PPP2R5E: variants seen among roughly 807,000 people sequenced by gnomAD.
PPP2R5E encodes the protein protein phosphatase 2 regulatory subunit B'epsilon.
A neutral mutation model predicts 65.3 loss-of-function variants in PPP2R5E; 4 were observed. The ratio of observed to expected loss-of-function variants is 0.06; its 90% CI spans 0.03 to 0.14. The LOEUF (loss-of-function observed/expected upper bound fraction) is 0.14. Ranked by LOEUF, PPP2R5E falls within the 10% of genes least tolerant of loss-of-function variation. The probability of loss-of-function intolerance (pLI) is 1.00; values close to 1 mark genes in which losing one functional copy is unlikely to be tolerated. For synonymous variants in PPP2R5E, 183 were observed against 187.4 expected (o/e 0.98, Z 0.19); for missense variants, 274 against 556.1 (o/e 0.49, Z 5.10).
intron 2 of PPP2R5E, among the ~76,000 whole-genome samples, chr14:63,517,836 T>C (rs1053912466): frequency 6.6e-6 from 1 of 152,216 alleles, no homozygotes; most frequent in African/African-American, 2.4e-5. Context: ...AACTGCGGTT[T>C]TACTGTTGCT....
chr14:63,486,453 C>CA (rs762366515), intron 2 of PPP2R5E, among the ~76,000 whole-genome samples: 6 of 152,066 alleles, frequency 3.9e-5, no homozygotes, highest in Non-Finnish European at 8.8e-5. Flanking sequence ...ATAAGTTACA[C>CA]ACACATTCAT....
intron 11 of PPP2R5E, among the ~76,000 whole-genome samples, chr14:63,384,779 T>A (rs1431067900): frequency 3.3e-5 from 5 of 152,086 alleles, no homozygotes; most frequent in African/African-American, 7.2e-5. Flanking sequence ...CTCTGCAACC[T>A]CCGCCTCTCG....
intron 10 of PPP2R5E, among the ~76,000 whole-genome samples, chr14:63,390,937 T>G (rs1254116647): frequency 1.3e-5 from 2 of 152,220 alleles, no homozygotes; most frequent in Admixed American, 1.3e-4. Context: ...GCCTGGTGAA[T>G]TCTCAGCAAA....
intron 5 of PPP2R5E, among the ~76,000 whole-genome samples, chr14:63,400,695 C>A (rs1885700259): frequency 8.7e-3 from 2 of 230 alleles, no homozygotes; most frequent in Non-Finnish European, 0.021. Context: ...TGGCCCCAAC[C>A]AGCCAAAAAA....
chr14:63,426,057 G>C (rs943074491), intron 3 of PPP2R5E, among the ~76,000 whole-genome samples: 5 of 152,194 alleles, frequency 3.3e-5, no homozygotes, highest in Non-Finnish European at 5.9e-5. Flanking sequence ...GAAAGCACAT[G>C]TCTGCTGGGT....
Position 63,522,513 on chromosome 14 carries a change from G to C in PPP2R5E, c.157+17016C>G, listed in dbSNP as rs1338963620. Among the ~76,000 whole-genome samples the C allele has an allele frequency of 4.6e-5, 7 of 151,132 alleles. No individual in the cohort carries two copies. In the South Asian group the frequency reaches 1.3e-3, roughly 27 times the overall value. On this transcript the variant is annotated intron_variant, in intron 2 of 13. Transcript: ENST00000337537. The stretch of plus-strand genomic sequence containing the variant: ...TAGGAAGTGAGAAACGCCTCTTCCC[G>C]GCCGCCATCCCATCTAGGAAGTGAG...
At chr14:63,403,071 G>A (rs1397947510) in intron 5 of PPP2R5E, among the ~76,000 whole-genome samples, 2 of 152,140 alleles carry the variant, frequency 1.3e-5, no homozygotes, top group Non-Finnish European at 2.9e-5. Flanking sequence ...GGAAAACAAT[G>A]GATCAATTCC....
At chr14:63,500,379 T>G (rs1891807795) in intron 2 of PPP2R5E, among the ~76,000 whole-genome samples, 1 of 152,206 alleles carries the variant, frequency 6.6e-6, no homozygotes. Flanking sequence ...ATACTTACAA[T>G]GCCAAATGCT....
intron 3 of PPP2R5E, among the ~76,000 whole-genome samples, chr14:63,448,482 C>T (rs929187575): frequency 6.6e-6 from 1 of 152,004 alleles, no homozygotes; most frequent in Non-Finnish European, 1.5e-5. Flanking sequence ...TTTTGTTCCA[C>T]ACAAGGTTGC....
At chr14:63,421,439 T>C (rs995810389) in intron 4 of PPP2R5E, among the ~76,000 whole-genome samples, 5 of 152,222 alleles carry the variant, frequency 3.3e-5, no homozygotes, top group Non-Finnish European at 5.9e-5. Flanking sequence ...TAAGTGTGAT[T>C]GGAAAACATG....
intron 5 of PPP2R5E, among the ~76,000 whole-genome samples, chr14:63,401,238 G>A (rs1885736686): frequency 6.6e-6 from 1 of 152,152 alleles, no homozygotes; most frequent in South Asian, 2.1e-4. Flanking sequence ...GGGGGGGTAG[G>A]ATGAACTCTG....
rs117231432 is a variant in PPP2R5E at position 63,449,148 on chromosome 14, T to C, written c.354+4541A>G. On this transcript the variant is annotated intron_variant, in intron 3 of 13. Coordinates refer to ENST00000337537, the MANE Select transcript of PPP2R5E (RefSeq NM_006246.5). Reference sequence around the variant, plus strand: ...CATTAGTATTTCATAAAAAACACTATCATTTCCCTCACTAATTCTGGTGAA... The same window carrying C: ...CATTAGTATTTCATAAAAAACACTACCATTTCCCTCACTAATTCTGGTGAA... Among the ~76,000 whole-genome samples, 10 of 152,310 alleles carry C rather than the reference T, an allele frequency of 6.6e-5. No homozygotes were observed. The East Asian group carries it at 1.5e-3, about 23-fold the overall frequency.
At chr14:63,466,242 T>C (rs987546316) in intron 2 of PPP2R5E, among the ~76,000 whole-genome samples, 1 of 130,532 alleles carries the variant, frequency 7.7e-6, no homozygotes, top group African/African-American at 3.1e-5. Flanking sequence ...AAAGACATCA[T>C]GAAACTTAAA....
At chr14:63,398,859 A>G (rs370091071) in intron 5 of PPP2R5E, among the ~76,000 whole-genome samples, 14 of 152,322 alleles carry the variant, frequency 9.2e-5, no homozygotes, top group African/African-American at 3.4e-4. Flanking sequence ...AATGAAAAAG[A>G]GGGATAATAA....
intron 2 of PPP2R5E, among the ~76,000 whole-genome samples, chr14:63,502,893 C>T (rs897972421): frequency 4.6e-5 from 7 of 152,078 alleles, no homozygotes; most frequent in South Asian, 2.1e-4. Context: ...TTTGCGAGGC[C>T]AAGGCAGGAA....
intron 5 of PPP2R5E, among the ~76,000 whole-genome samples, chr14:63,408,780 T>C (rs1290955521): frequency 2.0e-5 from 3 of 152,176 alleles, no homozygotes; most frequent in Non-Finnish European, 4.4e-5. Context: ...TAAAATTCTA[T>C]TTCAAAAAAT....
chr14:63,484,378 C>CACACACACACACAT (rs981814797), intron 2 of PPP2R5E, among the ~76,000 whole-genome samples: 4 of 151,514 alleles, frequency 2.6e-5, no homozygotes, highest in African/African-American at 7.3e-5. Flanking sequence ...CACACACACA[C>CACACACACACACAT]ACACACACAA....
At chr14:63,427,587 C>T (rs1887408961) in intron 3 of PPP2R5E, among the ~76,000 whole-genome samples, 1 of 151,752 alleles carries the variant, frequency 6.6e-6, no homozygotes, top group Non-Finnish European at 1.5e-5. Flanking sequence ...TAAGACCAGC[C>T]CTGGTGACAT....
chr14:63,444,885 C>T (rs1022383789), intron 3 of PPP2R5E, among the ~76,000 whole-genome samples: 4 of 152,186 alleles, frequency 2.6e-5, no homozygotes, highest in Non-Finnish European at 2.9e-5. Flanking sequence ...AGCTATGACT[C>T]CAGGAGACCC....
Sources: gnomAD v4.1 joint callset for allele counts (sites outside exome capture counted in the v4.1 genomes callset) on GRCh38, gnomAD v4.1.1 for gene constraint, MANE v1.5 for transcripts, NCBI Gene and HGNC (gene_info 2026-07-23, HGNC 2026-07-21) for gene names.